The following SMOC2 variants were observed in gnomAD, a reference collection of about 807,000 sequenced individuals.
The protein encoded by SMOC2 is SPARC related modular calcium binding 2.
A neutral mutation model predicts 61.4 loss-of-function variants in SMOC2; 39 were observed. The observed-to-expected ratio is 0.64, with a 90% CI of 0.49 to 0.83. SMOC2 has a LOEUF of 0.83. Ranked by LOEUF, SMOC2 falls within the 40% of genes least tolerant of loss-of-function variation. The pLI is 0.00. For synonymous variants in SMOC2, 247 were observed against 239.9 expected (o/e 1.03, Z -0.27); for missense variants, 556 against 592.9 (o/e 0.94, Z 0.65).
intron 1 of SMOC2, among the ~76,000 whole-genome samples, chr6:168,490,706 G>A (rs1210328043): frequency 1.3e-5 from 2 of 152,208 alleles, no homozygotes; most frequent in African/African-American, 4.8e-5. Flanking sequence ...CTGCCATGAT[G>A]CCAGGGCTCA....
rs1786800602 is a variant in SMOC2, at chr6:168,638,342, C to A, written c.908-12339C>A. Among the ~76,000 whole-genome samples, 3 of 152,210 alleles carry A rather than the reference C, an allele frequency of 2.0e-5. No homozygotes were observed. The South Asian group carries it at 6.2e-4, about 32-fold the overall frequency. On this transcript the variant is annotated intron_variant, in intron 9 of 12. Transcript: ENST00000356284. ...ACACCATGAGAACCTGAGTCAACTC[C>A]ATTTTGTTAGGTTGGGAACATAACT...
intron 9 of SMOC2, among the ~76,000 whole-genome samples, chr6:168,613,393 G>T (rs1452559647): frequency 6.6e-6 from 1 of 152,184 alleles, no homozygotes; most frequent in Non-Finnish European, 1.5e-5. Context: ...CCCTTGGGGA[G>T]CCTGGGCATG....
chr6:168,530,637 A>ACCCCCCCCCCCCCCCC (rs3064057), intron 4 of SMOC2, among the ~76,000 whole-genome samples: 20 of 120,258 alleles, frequency 1.7e-4, no homozygotes, highest in African/African-American at 7.3e-4. Flanking sequence ...TCACGGTGCA[A>ACCCCCCCCCCCCCCCC]CCCCCCCCCC....
intron 1 of SMOC2, among the ~76,000 whole-genome samples, chr6:168,477,059 C>T (rs1782102849): frequency 6.6e-6 from 1 of 152,148 alleles, no homozygotes. Flanking sequence ...TTTTGAGTCC[C>T]AATTAAGGTT....
chr6:168,637,439 T>A (rs946262444), intron 9 of SMOC2, among the ~76,000 whole-genome samples: 2 of 152,050 alleles, frequency 1.3e-5, no homozygotes, highest in Admixed American at 1.3e-4. Context: ...AGCAAGGAGG[T>A]TGTTTCATTT....
At chr6:168,570,318 G>T (rs1352867048) in intron 7 of SMOC2, among the ~76,000 whole-genome samples, 1 of 152,188 alleles carries the variant, frequency 6.6e-6, no homozygotes, top group African/African-American at 2.4e-5. Context: ...ACTTCTCTGT[G>T]GGGGTCTCTT....
At chr6:168,662,787 G>GGGTGT (rs1787540365) in intron 11 of SMOC2, among the ~76,000 whole-genome samples, 1 of 152,162 alleles carries the variant, frequency 6.6e-6, no homozygotes, top group African/African-American at 2.4e-5. Context: ...GATAGACTTT[G>GGGTGT]GGTGTAGAGC....
chr6:168,506,496 T>G (rs1180014516), intron 1 of SMOC2, among the ~76,000 whole-genome samples: 1 of 152,260 alleles, frequency 6.6e-6, no homozygotes, highest in Non-Finnish European at 1.5e-5. Flanking sequence ...TTACCTGTTT[T>G]GTAAACGGTT....
At chr6:168,592,194 TC>T (rs2115174342) in intron 7 of SMOC2, among the ~76,000 whole-genome samples, 1 of 152,358 alleles carries the variant, frequency 6.6e-6, no homozygotes, top group Admixed American at 6.5e-5. Flanking sequence ...ACCCTTGCCA[TC>T]CTGCTTCTCT....
intron 7 of SMOC2, among the ~76,000 whole-genome samples, chr6:168,598,168 G>A (rs1785376983): frequency 6.6e-6 from 1 of 152,006 alleles, no homozygotes; most frequent in African/African-American, 2.4e-5. Context: ...AAATTTTCAC[G>A]ATTTGGGGCT....
At chr6:168,637,243 T>A (rs182786921) in intron 9 of SMOC2, among the ~76,000 whole-genome samples, 23 of 152,244 alleles carry the variant, frequency 1.5e-4, no homozygotes, top group African/African-American at 5.1e-4. Context: ...AGTGTGAAGC[T>A]GGGTGTGGTC....
intron 7 of SMOC2, among the ~76,000 whole-genome samples, chr6:168,563,936 C>T (rs1328867829): frequency 1.3e-5 from 2 of 152,254 alleles, no homozygotes; most frequent in Admixed American, 6.5e-5. Context: ...CGGGTGCTCA[C>T]CTGCCTCATC....
chr6:168,525,280 A>G (rs577089290), intron 2 of SMOC2, among the ~76,000 whole-genome samples: 2 of 152,258 alleles, frequency 1.3e-5, no homozygotes, highest in South Asian at 2.1e-4. Context: ...TTCTTAGGAC[A>G]AGCCTTTTCC....
chr6:168,630,578 T>C (rs575155006), intron 9 of SMOC2, among the ~76,000 whole-genome samples: 11 of 152,210 alleles, frequency 7.2e-5, no homozygotes, highest in Admixed American at 1.3e-4. Flanking sequence ...CTGGGCACCT[T>C]GAAAAAAGAA....
intron 11 of SMOC2, among the ~76,000 whole-genome samples, chr6:168,655,206 C>T (rs1787290251): frequency 6.8e-6 from 1 of 148,144 alleles, no homozygotes; most frequent in Non-Finnish European, 1.5e-5. Flanking sequence ...AACTCACCAA[C>T]CCTGCACCTG....
chr6:168,519,427 ACT>A (rs1366483583), intron 2 of SMOC2, among the ~76,000 whole-genome samples: 2 of 151,954 alleles, frequency 1.3e-5, no homozygotes, highest in African/African-American at 4.8e-5. Flanking sequence ...TCTTGCAGAA[ACT>A]CTACCCAGAG....
intron 1 of SMOC2, among the ~76,000 whole-genome samples, chr6:168,502,306 AAGTGAAGAAATC>A (rs2115043485): frequency 6.6e-6 from 1 of 152,342 alleles, no homozygotes; most frequent in Non-Finnish European, 1.5e-5. Context: ...TCCATTGGAC[AAGTGAAGAAATC>A]AGCTCTCACA....
At chr6:168,574,578 C>T (rs546328870) in intron 7 of SMOC2, among the ~76,000 whole-genome samples, 19 of 152,292 alleles carry the variant, frequency 1.2e-4, no homozygotes, top group Middle Eastern at 6.8e-3. Context: ...TTGCCTGGAA[C>T]GTCTGCAGAT....
chr6:168,528,025 T>G (rs1340673515), intron 4 of SMOC2, among the ~76,000 whole-genome samples: 1 of 152,234 alleles, frequency 6.6e-6, no homozygotes, highest in Non-Finnish European at 1.5e-5. Flanking sequence ...GGTCCCTTAA[T>G]TGTTTAAAAT....
Sources: allele counts gnomAD v4.1 joint callset (sites outside exome capture counted in the v4.1 genomes callset), GRCh38; gene constraint gnomAD v4.1.1; transcripts MANE v1.5; gene names NCBI Gene and HGNC (gene_info 2026-07-23, HGNC 2026-07-21).